ADAM28: variants seen among roughly 807,000 people sequenced by gnomAD.
The protein encoded by ADAM28 is disintegrin and metalloproteinase domain-containing protein 28.
In ADAM28, 105 loss-of-function variants were observed where a neutral mutation model predicts 101.2. The ratio of observed to expected loss-of-function variants is 1.04; its 90% CI spans 0.89 to 1.22. ADAM28 has a LOEUF of 1.22. Among genes scored for constraint, ADAM28 ranks in the 50% most tolerant of loss-of-function variants. The probability of loss-of-function intolerance (pLI) is 0.00; values close to 1 mark genes in which losing one functional copy is unlikely to be tolerated. For synonymous variants in ADAM28, 322 were observed against 310.6 expected, an observed-to-expected ratio of 1.04 and a Z score of -0.39; for missense variants, 1,028 against 945.4, an observed-to-expected ratio of 1.09 and a Z score of -1.15.
chr8:24,328,706 T>A (rs1160701992), intron 10 of ADAM28, among the ~76,000 whole-genome samples: 2 of 151,988 alleles, frequency 1.3e-5, no homozygotes, highest in Non-Finnish European at 2.9e-5. Flanking sequence ...GGCAGGTGGA[T>A]CACCTGAGGT....
In ADAM28 at chr8:24,358,658, A is replaced by G. The variant is rs1816830877; in HGVS notation, c.*4254A>G. On this transcript the variant is annotated 3_prime_UTR_variant, in exon 23 of 23. Transcript: ENST00000265769. ...TGACAATGTTAGGCACTTTTTAGCA[A>G]CTAGGCCTGGGTGGTCTGCTACAAT... The G allele has an allele frequency of 6.6e-6, 1 of 152,222 alleles. No individual in the cohort carries two copies. 9.4% of individuals were successfully genotyped at this position (152,222 alleles called of 1,614,324 possible).
At chr8:24,328,348 G>A (rs1812898831) in intron 10 of ADAM28, among the ~76,000 whole-genome samples, 1 of 151,738 alleles carries the variant, frequency 6.6e-6, no homozygotes, top group Non-Finnish European at 1.5e-5. Flanking sequence ...CCTTGTTAGT[G>A]TAAGAATAAT....
chr8:24,304,932 T>G (rs965607666), intron 2 of ADAM28, among the ~76,000 whole-genome samples: 4 of 147,558 alleles, frequency 2.7e-5, no homozygotes, highest in Admixed American at 6.7e-5. Context: ...AAAAAAAAAA[T>G]AGATTATGCT....
chr8:24,350,579 G>A (rs751348289), intron 19 of ADAM28, among the ~76,000 whole-genome samples: 5 of 152,206 alleles, frequency 3.3e-5, no homozygotes, highest in Admixed American at 1.3e-4. Flanking sequence ...CCTAAGTGCC[G>A]GGATTACAGG....
chr8:24,353,239 T>A (rs1379675413), intron 21 of ADAM28, among the ~76,000 whole-genome samples: 1 of 152,070 alleles, frequency 6.6e-6, no homozygotes, highest in African/African-American at 2.4e-5. Context: ...TTTTACTTTA[T>A]GTATATTAGT....
chr8:24,354,126 C>T (rs577002536), intron 22 of ADAM28, among the ~76,000 whole-genome samples: 1 of 152,088 alleles, frequency 6.6e-6, no homozygotes, highest in East Asian at 1.9e-4. Flanking sequence ...GTATAGTATC[C>T]TGTAACTCTC....
chr8:24,326,290 G>A (rs1409459855), intron 9 of ADAM28, among the ~76,000 whole-genome samples: 1 of 151,704 alleles, frequency 6.6e-6, no homozygotes, highest in Non-Finnish European at 1.5e-5. Context: ...TCTTCACAAG[G>A]GATACATCTC....
intron 2 of ADAM28, among the ~76,000 whole-genome samples, chr8:24,309,368 C>T (rs1810130915): frequency 6.6e-6 from 1 of 152,128 alleles, no homozygotes; most frequent in Admixed American, 6.6e-5. Flanking sequence ...TTTTAGGCGT[C>T]TGTGTACACT....
intron 2 of ADAM28, among the ~76,000 whole-genome samples, chr8:24,303,911 T>C (rs959026047): frequency 2.6e-5 from 4 of 152,060 alleles, no homozygotes; most frequent in Admixed American, 2.6e-4. Flanking sequence ...TCTTCTTTGT[T>C]ATCAACCTTT....
At position 24,324,004 on chromosome 8, in the gene ADAM28, G is replaced by T; in HGVS notation, c.890+1G>T. 6.2e-7 allele frequency: 1 copy of T among 1,611,088 alleles called. No individual in the cohort carries two copies. The highest frequency in any genetic ancestry group is 8.5e-7 in the Non-Finnish European group (1 of 1,178,204). Reference sequence around the variant, plus strand: ...GTCATGATATTGCTCAGTTAATCACGTATGTACAGATTTTCTCCCATTGCA... The same window carrying T: ...GTCATGATATTGCTCAGTTAATCACTTATGTACAGATTTTCTCCCATTGCA... On this transcript the variant is annotated splice_donor_variant, in intron 9 of 22. Coordinates refer to ENST00000265769, the MANE Select transcript of ADAM28 (RefSeq NM_014265.6). LOFTEE classifies it high-confidence loss of function.
At chr8:24,299,574 C>T (rs771021041) in intron 1 of ADAM28, among the ~76,000 whole-genome samples, 1 of 152,186 alleles carries the variant, frequency 6.6e-6, no homozygotes, top group Non-Finnish European at 1.5e-5. Flanking sequence ...TCCAGTGCTT[C>T]AACCCAATTT....
chr8:24,339,433 T>C (rs1226067584), intron 14 of ADAM28, 33 bp from the exon 15 acceptor site: 1 of 1,533,166 alleles, frequency 6.5e-7, no homozygotes, highest in Non-Finnish European at 8.9e-7. Context: ...AAAAATCTAT[T>C]TTCTTTTCCC....
Position 24,294,112 on chromosome 8 carries a change from C to A in ADAM28, c.-38C>A, listed in dbSNP as rs375722894. The stretch of plus-strand genomic sequence containing the variant: ...ACAGACCCAGCAGCACCCACCTGAG[C>A]GAGAAGAGCAGACACCGTGCTCCTG... On this transcript the variant is annotated 5_prime_UTR_variant, in exon 1 of 23. Coordinates refer to ENST00000265769, the MANE Select transcript of ADAM28 (RefSeq NM_014265.6). 2.5e-6 allele frequency: 4 copies of A among 1,613,120 alleles called. No homozygotes were observed. The highest frequency in any genetic ancestry group is 3.4e-6 in the Non-Finnish European group (4 of 1,179,270).
At chr8:24,347,645 T>G (rs990950514) in intron 18 of ADAM28, among the ~76,000 whole-genome samples, 1 of 152,156 alleles carries the variant, frequency 6.6e-6, no homozygotes, top group Non-Finnish European at 1.5e-5. Flanking sequence ...ATTGTGAATT[T>G]GATTACTACT....
intron 9 of ADAM28, among the ~76,000 whole-genome samples, chr8:24,325,816 A>T (rs1049587128): frequency 1.5e-5 from 2 of 136,798 alleles, no homozygotes; most frequent in South Asian, 2.5e-4. Flanking sequence ...TAAAAACTTG[A>T]TGCAATTTGG....
intron 6 of ADAM28, among the ~76,000 whole-genome samples, chr8:24,317,717 GCAAA>G (rs1213283862): frequency 4.6e-5 from 7 of 151,790 alleles, no homozygotes; most frequent in Admixed American, 1.3e-4. Flanking sequence ...GCACAGCAAA[GCAAA>G]CAAACAAAAT....
Position 24,355,320 on chromosome 8 carries a change from C to T in ADAM28, c.*916C>T, listed in dbSNP as rs1219432045. 6.6e-6 allele frequency: 1 copy of T among 152,076 alleles called. No individual in the cohort carries two copies. The highest frequency in any genetic ancestry group is 1.5e-5 in the Non-Finnish European group (1 of 67,990). 9.4% of individuals were successfully genotyped at this position (152,076 alleles called of 1,614,324 possible). ...TGTAGCAAACACTATTGGTTTCCTA[C>T]CAAATAATCCCCTTTTTCCTGGCTT... On this transcript the variant is annotated 3_prime_UTR_variant, in exon 23 of 23. Coordinates refer to ENST00000265769, the MANE Select transcript of ADAM28 (RefSeq NM_014265.6).
intron 6 of ADAM28, among the ~76,000 whole-genome samples, chr8:24,315,061 A>G (rs1424534209): frequency 1.3e-5 from 2 of 151,896 alleles, no homozygotes; most frequent in African/African-American, 4.8e-5. Flanking sequence ...ACAAAATGGC[A>G]GTAGGAGATC....
intron 4 of ADAM28, 58 bp downstream of exon 4, chr8:24,310,299 G>A: frequency 1.3e-6 from 2 of 1,515,914 alleles, no homozygotes; most frequent in East Asian, 2.3e-5. Flanking sequence ...CCTAAAGGTA[G>A]TGTCCTTGCC....
Sources: gnomAD v4.1 joint callset for allele counts (sites outside exome capture counted in the v4.1 genomes callset) on GRCh38, gnomAD v4.1.1 for gene constraint, MANE v1.5 for transcripts, NCBI Gene and HGNC (gene_info 2026-07-23, HGNC 2026-07-21) for gene names.